The following ADAMTS2 variants were observed in gnomAD, a reference collection of about 807,000 sequenced individuals.
ADAMTS2 encodes the protein ADAM metallopeptidase with thrombospondin type 1 motif 2.
ADAMTS2 carries 50 observed loss-of-function variants against 123.0 expected under a neutral mutation model. The observed-to-expected ratio is 0.41, with a 90% confidence interval of 0.32 to 0.51. The LOEUF (loss-of-function observed/expected upper bound fraction) is 0.51, where lower values mean the gene tolerates loss of function less well. Among genes scored for constraint, ADAMTS2 ranks in the 20% least tolerant of loss-of-function variants. The pLI, the probability that ADAMTS2 is intolerant of heterozygous loss-of-function variation, is 0.35. For synonymous variants in ADAMTS2, 678 were observed against 695.4 expected (o/e 0.98, Z 0.39); for missense variants, 1,494 against 1,705.2 (o/e 0.88, Z 2.18).
At position 179,181,016 on chromosome 5, in the gene ADAMTS2, C is replaced by G; in HGVS notation, c.975+56G>C. 7.1e-7 allele frequency: 1 copy of G among 1,408,286 alleles called. No individual in the cohort carries two copies. Among genetic ancestry groups the G allele is most frequent in the Non-Finnish European group, 1.0e-6 (1 of 994,200 alleles). The allele number at this position is 1,408,286 out of a possible 1,614,324, so 87.2% of individuals were successfully genotyped here. A position where few individuals can be genotyped will look rare whatever the true frequency, so the allele number is the denominator to read the frequency against. On this transcript the variant is annotated intron_variant, in intron 5 of 21. Coordinates refer to ENST00000251582, the MANE Select transcript of ADAMTS2 (RefSeq NM_014244.5). This position sits in a 1 kb window ranked among gnomAD's most constrained non-coding sequence, Gnocchi z 4.1. Reference sequence around the variant, plus strand: ...TCCAAGGAGGCCCATGCCTCACTCCCAGGCCCCTCACTCCGAGGGGGTGGA... The same window carrying G: ...TCCAAGGAGGCCCATGCCTCACTCCGAGGCCCCTCACTCCGAGGGGGTGGA...
At chr5:179,143,283 A>C (rs2113229017) in intron 10 of ADAMTS2, among the ~76,000 whole-genome samples, 1 of 152,218 alleles carries the variant, frequency 6.6e-6, no homozygotes, top group South Asian at 2.1e-4. Context: ...AAAATACAAA[A>C]ATTAGCCAGG....
Position 179,121,642 on chromosome 5 carries a change from T to G in ADAMTS2, c.3178+19A>C. The G allele has an allele frequency of 6.3e-7, 1 of 1,591,086 alleles. No individual in the cohort carries two copies. The highest frequency in any genetic ancestry group is 8.6e-7 in the Non-Finnish European group (1 of 1,166,824). ...CATGCACTGGAGGGCAGAGGCAGAGTTATAAACGGGTCGGTTACTTGACGA... is the reference window on the plus strand; with the variant it reads ...CATGCACTGGAGGGCAGAGGCAGAGGTATAAACGGGTCGGTTACTTGACGA... On this transcript the variant is annotated intron_variant, in intron 21 of 21. Transcript: ENST00000251582.
intron 2 of ADAMTS2, among the ~76,000 whole-genome samples, chr5:179,333,016 A>T (rs1757520555): frequency 6.6e-6 from 1 of 152,026 alleles, no homozygotes; most frequent in Admixed American, 6.5e-5. Context: ...ACCCCTCCCT[A>T]CTGTGTGGCC....
At chr5:179,296,034 C>T (rs1355792544) in intron 2 of ADAMTS2, among the ~76,000 whole-genome samples, 3 of 152,192 alleles carry the variant, frequency 2.0e-5, no homozygotes, top group African/African-American at 4.8e-5. Flanking sequence ...CCACACAGCA[C>T]GTGCCAAGGT....
At position 179,156,359 on chromosome 5, in the gene ADAMTS2, AT is replaced by A. The variant is rs397967558; in HGVS notation, c.1133-1441del. Among the ~76,000 whole-genome samples, 768 of 122,310 alleles carry A rather than the reference AT, an allele frequency of 6.3e-3. 4 individuals carry two copies. Among genetic ancestry groups the A allele is most frequent in the African/African-American group, 0.017 (536 of 32,046 alleles). 80.2% of individuals were successfully genotyped at this position (122,310 alleles called of 152,430 possible). A position where few individuals can be genotyped will look rare whatever the true frequency, so the allele number is the denominator to read the frequency against. On this transcript the variant is annotated intron_variant, in intron 6 of 21. Transcript: ENST00000251582. ...CCTTGACTTTTTATTTCAGCTTTCG[AT>A]TTTTTTTTTTTTTTTTTGAGATGGA...
chr5:179,313,159 C>G (rs1477749981), intron 2 of ADAMTS2, among the ~76,000 whole-genome samples: 3 of 152,250 alleles, frequency 2.0e-5, no homozygotes, highest in Admixed American at 2.0e-4. Flanking sequence ...ACCGGGGCTC[C>G]CTCCTCAGGA....
chr5:179,273,125 A>G, intron 2 of ADAMTS2, 61 bp from the exon 3 acceptor site: 1 of 1,611,186 alleles, frequency 6.2e-7, no homozygotes, highest in Non-Finnish European at 8.5e-7. Flanking sequence ...GAAGGGGAAC[A>G]GCGAGGAGAC....
At chr5:179,335,453 C>A (rs2127460711) in intron 2 of ADAMTS2, among the ~76,000 whole-genome samples, 1 of 152,276 alleles carries the variant, frequency 6.6e-6, no homozygotes, top group East Asian at 1.9e-4. Context: ...CTTATAGCTA[C>A]TGTATTGGAC....
chr5:179,159,868 C>A (rs977543013), intron 5 of ADAMTS2, among the ~76,000 whole-genome samples: 1 of 152,186 alleles, frequency 6.6e-6, no homozygotes, highest in Non-Finnish European at 1.5e-5. Context: ...AAGACATACA[C>A]AATATCATTT....
In ADAMTS2 at chr5:179,125,151, C is replaced by T. The variant is rs1193602528; in HGVS notation, c.2780G>A (p.Ser927Asn). ...VWVTGEWEPCSQTCGRTGMQV... is the reference protein window; with the variant it reads ...VWVTGEWEPCNQTCGRTGMQV... ...CATGCCTGTCCGCCCACAGGTCTGG[C>T]TACATGGCTCCCATTCGCCTGTGAC... The change falls in exon 19 of 22, where the codon AGC (serine) becomes AAC (asparagine). Residue 927 changes from serine to asparagine, a missense_variant. This residue lies in a region of ADAMTS2 where 953 missense variants were observed against 1,124.7 expected (regional missense o/e 0.85). Coordinates refer to ENST00000251582, the MANE Select transcript of ADAMTS2 (RefSeq NM_014244.5). 3 of 1,612,896 alleles carry T rather than the reference C, an allele frequency of 1.9e-6. No homozygotes were observed. Among genetic ancestry groups the T allele is most frequent in the Non-Finnish European group, 1.7e-6 (2 of 1,179,926 alleles).
intron 5 of ADAMTS2, among the ~76,000 whole-genome samples, chr5:179,161,479 G>A (rs1468894494): frequency 1.3e-5 from 2 of 152,180 alleles, no homozygotes; most frequent in Non-Finnish European, 1.5e-5. Flanking sequence ...TCACTCATAC[G>A]TGGAAGCTAA....
chr5:179,333,138 C>T lies in ADAMTS2; in HGVS notation c.534+10629G>A, dbSNP rs570448149. Among the ~76,000 whole-genome samples, 4 of 152,334 alleles carry T rather than the reference C, an allele frequency of 2.6e-5. 1 individual carries two copies. Among genetic ancestry groups the T allele is most frequent in the South Asian group, 2.1e-4 (1 of 4,820 alleles). Reference sequence around the variant, plus strand: ...AGCCGACACCGCTGTGGCAGCTTCCCGCATCCCAAGCCGGGCCATGCCCAC... The same window carrying T: ...AGCCGACACCGCTGTGGCAGCTTCCTGCATCCCAAGCCGGGCCATGCCCAC... On this transcript the variant is annotated intron_variant, in intron 2 of 21. Coordinates refer to ENST00000251582, the MANE Select transcript of ADAMTS2 (RefSeq NM_014244.5).
intron 3 of ADAMTS2, among the ~76,000 whole-genome samples, chr5:179,252,573 G>A (rs1406006592): frequency 6.6e-6 from 1 of 151,860 alleles, no homozygotes; most frequent in Non-Finnish European, 1.5e-5. Context: ...CAAATAATGG[G>A]GATTTTTGCT....
chr5:179,153,976 G>A lies in ADAMTS2; in HGVS notation c.1382+73C>T. 8 of 1,538,752 alleles carry A rather than the reference G, an allele frequency of 5.2e-6. No homozygotes were observed. In the Admixed American group the frequency reaches 5.8e-5, roughly 11 times the overall value. ...TCGGAGGGCTCTGGCTCTGGTGCAT[G>A]GGGACTTGCACCCTCCCAGAGCTGA... On this transcript the variant is annotated intron_variant, in intron 8 of 21. Transcript: ENST00000251582.
intron 10 of ADAMTS2, chr5:179,151,085 C>T (rs540590317): frequency 4.2e-5 from 15 of 354,060 alleles, no homozygotes; most frequent in Admixed American, 1.2e-4. Flanking sequence ...TTAGTAGAGA[C>T]GGGATTTTGC....
Position 179,115,057 on chromosome 5 carries a change from C to T in ADAMTS2, c.3179-733G>A, listed in dbSNP as rs1295241732. 1.3e-5 allele frequency among the ~76,000 whole-genome samples: 2 copies of T among 152,186 alleles called. No homozygotes were observed. Among genetic ancestry groups the T allele is most frequent in the Admixed American group, 6.5e-5 (1 of 15,286 alleles). On this transcript the variant is annotated intron_variant, in intron 21 of 21. Transcript: ENST00000251582. This position sits in a 1 kb window ranked among gnomAD's most constrained non-coding sequence, Gnocchi z 4.4. ...CGCATCCAGCCATTTCCCAAAGAAA[C>T]GTGCTGCCCTCACATAGATTAATCG... is the stretch of plus-strand genomic sequence containing the variant.
In ADAMTS2 at chr5:179,114,152, G is replaced by A. The variant is rs777279065; in HGVS notation, c.3351C>T (p.Asp1117=). 5.1e-5 allele frequency: 82 copies of A among 1,613,018 alleles called. No homozygotes were observed. Among genetic ancestry groups the A allele is most frequent in the Non-Finnish European group, 6.4e-5 (76 of 1,179,156 alleles). Residue 1117 remains aspartate (D), a synonymous_variant, in exon 22 of 22, where the codon GAC becomes GAT. Transcript: ENST00000251582. ...EPPPGKHNDI[D]VFMPTLPVPT... The stretch of plus-strand genomic sequence containing the variant: ...GCACTGGGAGGGTAGGCATGAACAC[G>A]TCAATGTCGTTGTGCTTCCCAGGCG...
At chr5:179,335,766 T>C (rs1757596784) in intron 2 of ADAMTS2, among the ~76,000 whole-genome samples, 1 of 152,174 alleles carries the variant, frequency 6.6e-6, no homozygotes, top group Non-Finnish European at 1.5e-5. Flanking sequence ...GCATGAAACG[T>C]GAAGACACCC....
At position 179,130,804 on chromosome 5, in the gene ADAMTS2, G is replaced by T. The variant is rs944054740; in HGVS notation, c.2291-706C>A. Among the ~76,000 whole-genome samples the T allele has an allele frequency of 1.3e-5, 2 of 152,118 alleles. No homozygotes were observed. The highest frequency in any genetic ancestry group is 2.9e-5 in the Non-Finnish European group (2 of 68,034). On this transcript the variant is annotated intron_variant, in intron 15 of 21. Coordinates refer to ENST00000251582, the MANE Select transcript of ADAMTS2 (RefSeq NM_014244.5). The surrounding 1 kb of genome is among the most constrained non-coding windows in gnomAD (Gnocchi z 4.3). ...TCCCTGTCACGTCCCCTGTAATTCTGTCCACTCACAAACAAAGCCTCTGCT... is the reference window on the plus strand; with the variant it reads ...TCCCTGTCACGTCCCCTGTAATTCTTTCCACTCACAAACAAAGCCTCTGCT...
Sources: allele counts gnomAD v4.1 joint callset (sites outside exome capture counted in the v4.1 genomes callset), GRCh38; gene constraint gnomAD v4.1.1; regional missense constraint gnomAD v4.1.1; non-coding constraint Gnocchi (gnomAD v3.1); transcripts MANE v1.5; gene names NCBI Gene and HGNC (gene_info 2026-07-23, HGNC 2026-07-21).